Variants in GPC6 observed in about 807,000 individuals in gnomAD.
GPC6 encodes the protein glypican 6, also known as glypican-6.
In GPC6, 14 loss-of-function variants were observed where a neutral mutation model predicts 55.2. The observed-to-expected ratio is 0.25, with a 90% CI of 0.17 to 0.40. The LOEUF (loss-of-function observed/expected upper bound fraction) is 0.40, where lower values mean the gene tolerates loss of function less well. GPC6 is among the 10% of genes least tolerant of loss of function. The pLI, the probability that GPC6 is intolerant of heterozygous loss-of-function variation, is 1.00. For synonymous variants in GPC6, 278 were observed against 259.6 expected (o/e 1.07, Z -0.68); for missense variants, 641 against 708.5 (o/e 0.90, Z 1.08).
At chr13:94,344,398 T>A (rs1440846823) in intron 6 of GPC6, among the ~76,000 whole-genome samples, 1 of 152,208 alleles carries the variant, frequency 6.6e-6, no homozygotes, top group Non-Finnish European at 1.5e-5. Flanking sequence ...CACATGAGCT[T>A]GAAATGAAAC....
At chr13:94,346,155 C>T (rs547835713) in intron 6 of GPC6, among the ~76,000 whole-genome samples, 3 of 152,246 alleles carry the variant, frequency 2.0e-5, no homozygotes, top group East Asian at 1.9e-4. Flanking sequence ...TGGTATGAGC[C>T]CATCTTAACT....
At chr13:94,295,707 C>T (rs934605177) in intron 5 of GPC6, among the ~76,000 whole-genome samples, 3 of 152,048 alleles carry the variant, frequency 2.0e-5, no homozygotes, top group South Asian at 2.1e-4. Context: ...TAATAATTTC[C>T]ACACTATTCT....
chr13:93,855,969 C>T lies in GPC6; in HGVS notation c.711+25424C>T, dbSNP rs540140340. Reference sequence around the variant, plus strand: ...GATATGCCTACTGCAAATATTTTCTCCCAGCCTGTGGCTTCTCCTTTCATT... The same window carrying T: ...GATATGCCTACTGCAAATATTTTCTTCCAGCCTGTGGCTTCTCCTTTCATT... On this transcript the variant is annotated intron_variant, in intron 3 of 8. Coordinates refer to ENST00000377047, the MANE Select transcript of GPC6 (RefSeq NM_005708.5). 2.2e-3 allele frequency among the ~76,000 whole-genome samples: 335 copies of T among 151,758 alleles called. 1 individual carries two copies. The highest frequency in any genetic ancestry group is 4.0e-3 in the Non-Finnish European group (272 of 67,786).
At chr13:93,352,476 T>C (rs1880665028) in intron 1 of GPC6, among the ~76,000 whole-genome samples, 2 of 152,120 alleles carry the variant, frequency 1.3e-5, no homozygotes, top group Admixed American at 1.3e-4. Context: ...ATTCTGGCCA[T>C]TTATATTTTA....
At chr13:93,638,154 G>A (rs774411785) in intron 2 of GPC6, among the ~76,000 whole-genome samples, 9 of 152,058 alleles carry the variant, frequency 5.9e-5, no homozygotes, top group Admixed American at 5.9e-4. Flanking sequence ...ATTTTTATGA[G>A]AATGTTCTTA....
chr13:94,303,266 C>G (rs758929439), intron 5 of GPC6, among the ~76,000 whole-genome samples: 1 of 152,332 alleles, frequency 6.6e-6, no homozygotes, highest in South Asian at 2.1e-4. Context: ...TGTCCCTCCC[C>G]CTGTGCTCTT....
intron 5 of GPC6, 85 bp downstream of exon 5, chr13:94,286,564 C>A: frequency 1.6e-6 from 2 of 1,215,132 alleles, no homozygotes; most frequent in East Asian, 2.4e-5. Context: ...GATATGTCGG[C>A]TGGGCTTATA....
At position 94,087,045 on chromosome 13, in the gene GPC6, CAA is replaced by C. The variant is rs781402353; in HGVS notation, c.877+59153_877+59154del. Among the ~76,000 whole-genome samples, 19 of 152,014 alleles carry C rather than the reference CAA, an allele frequency of 1.2e-4. 1 individual carries two copies. Among genetic ancestry groups the C allele is most frequent in the Non-Finnish European group, 2.2e-4 (15 of 68,012 alleles). The stretch of plus-strand genomic sequence containing the variant: ...CTATGACTTTTAATTATTAACTAGA[CAA>C]AGAGGTAAGATTTGGTTAAGGAAAA... On this transcript the variant is annotated intron_variant, in intron 4 of 8. Coordinates refer to ENST00000377047, the MANE Select transcript of GPC6 (RefSeq NM_005708.5).
intron 1 of GPC6, among the ~76,000 whole-genome samples, chr13:93,539,803 T>G (rs1243358962): frequency 6.6e-6 from 1 of 151,756 alleles, no homozygotes; most frequent in African/African-American, 2.4e-5. Context: ...GCAATTCTCC[T>G]GCCTCAGCCT....
At position 94,125,996 on chromosome 13, in the gene GPC6, T is replaced by A. The variant is rs113095489; in HGVS notation, c.877+98102T>A. Among the ~76,000 whole-genome samples the A allele has an allele frequency of 3.1e-3, 471 of 152,272 alleles. 3 individuals carry two copies. The highest frequency in any genetic ancestry group is 5.8e-3 in the Non-Finnish European group (393 of 68,018). ...ATGTAAATGAATATATACATTATTT[T>A]ATGTGTATGGAAAATTTTAAACAAT... On this transcript the variant is annotated intron_variant, in intron 4 of 8. Coordinates refer to ENST00000377047, the MANE Select transcript of GPC6 (RefSeq NM_005708.5).
chr13:93,616,492 A>G (rs1159278596), intron 2 of GPC6, among the ~76,000 whole-genome samples: 1 of 152,110 alleles, frequency 6.6e-6, no homozygotes, highest in Non-Finnish European at 1.5e-5. Flanking sequence ...AGAAAAATCA[A>G]CTTAGTTTCA....
intron 3 of GPC6, among the ~76,000 whole-genome samples, chr13:93,888,336 A>G (rs778614295): frequency 1.3e-5 from 2 of 152,184 alleles, no homozygotes; most frequent in Non-Finnish European, 2.9e-5. Flanking sequence ...TGCTGAATAC[A>G]GCCTGTAAGA....
At chr13:93,878,225 T>C (rs542197579) in intron 3 of GPC6, among the ~76,000 whole-genome samples, 1 of 152,102 alleles carries the variant, frequency 6.6e-6, no homozygotes, top group Non-Finnish European at 1.5e-5. Flanking sequence ...TAACCCCAAG[T>C]ACAATAGTAC....
At chr13:93,343,088 AT>A (rs1880314528) in intron 1 of GPC6, among the ~76,000 whole-genome samples, 1 of 152,064 alleles carries the variant, frequency 6.6e-6, no homozygotes. Flanking sequence ...TAGATGTGGT[AT>A]TTGTTGTTCC....
intron 2 of GPC6, among the ~76,000 whole-genome samples, chr13:93,775,266 A>T (rs12873620): frequency 6.6e-6 from 1 of 152,112 alleles, no homozygotes; most frequent in Non-Finnish European, 1.5e-5. Context: ...CAGCCTCCCG[A>T]GTAGCTGGGA....
At chr13:94,365,674 A>G (rs1319856306) in intron 6 of GPC6, among the ~76,000 whole-genome samples, 2 of 152,192 alleles carry the variant, frequency 1.3e-5, no homozygotes. Context: ...CCTATGCTGC[A>G]TCTAAATTAC....
chr13:94,120,494 G>A (rs547011889), intron 4 of GPC6, among the ~76,000 whole-genome samples: 4 of 151,646 alleles, frequency 2.6e-5, no homozygotes, highest in Non-Finnish European at 5.9e-5. Context: ...GATGCATCTA[G>A]AAACTGATCA....
At chr13:93,654,161 A>G (rs1275718350) in intron 2 of GPC6, among the ~76,000 whole-genome samples, 1 of 152,108 alleles carries the variant, frequency 6.6e-6, no homozygotes, top group Non-Finnish European at 1.5e-5. Flanking sequence ...CTTGGCACTG[A>G]TGCACCATCA....
Position 93,399,019 on chromosome 13 carries a change from T to G in GPC6, c.161-146244T>G, listed in dbSNP as rs1044704143. Among the ~76,000 whole-genome samples the G allele has an allele frequency of 2.0e-5, 3 of 151,292 alleles. No individual in the cohort carries two copies. In the East Asian group the frequency reaches 6.0e-4, roughly 30 times the overall value. ...AACCTTTCTTCAATGGTTACCGTGATCAGTTCCCTCTCCCCACATCTCTCT... is the reference window on the plus strand; with the variant it reads ...AACCTTTCTTCAATGGTTACCGTGAGCAGTTCCCTCTCCCCACATCTCTCT... On this transcript the variant is annotated intron_variant, in intron 1 of 8. Transcript: ENST00000377047.
Sources: gnomAD v4.1 joint callset for allele counts (sites outside exome capture counted in the v4.1 genomes callset) on GRCh38, gnomAD v4.1.1 for gene constraint, MANE v1.5 for transcripts, NCBI Gene and HGNC (gene_info 2026-07-23, HGNC 2026-07-21) for gene names.